The following LRRC61 variants were observed in gnomAD, a reference collection of about 807,000 sequenced individuals.
The protein encoded by LRRC61 is leucine-rich repeat-containing protein 61.
A neutral mutation model predicts 15.1 loss-of-function variants in LRRC61; 9 were observed. The ratio of observed to expected loss-of-function variants is 0.60; its 90% CI spans 0.36 to 1.04. The LOEUF (loss-of-function observed/expected upper bound fraction) is 1.04. LRRC61 is among the 50% of genes least tolerant of loss of function. The pLI is 0.01. For missense variants in LRRC61, 344 were observed against 335.6 expected, an observed-to-expected ratio of 1.03 and a Z score of -0.20; for synonymous variants, 173 against 158.6, an observed-to-expected ratio of 1.09 and a Z score of -0.68.
the LRRC61 span, among the ~76,000 whole-genome samples, chr7:150,317,499 T>G: frequency 6.6e-6 from 1 of 152,362 alleles, no homozygotes; most frequent in African/African-American, 2.4e-5. Flanking sequence ...TTCTCACTTA[T>G]GCAATCAAGT....
rs1254396912 is a variant in LRRC61, at chr7:150,327,614, T to G, written c.-145+1604T>G. Among the ~76,000 whole-genome samples the G allele has an allele frequency of 2.0e-5, 3 of 151,780 alleles. No homozygotes were observed. In the East Asian group the frequency reaches 5.8e-4, roughly 29 times the overall value. On this transcript the variant is annotated intron_variant, in intron 2 of 2. Coordinates refer to ENST00000359623, the MANE Select transcript of LRRC61 (RefSeq NM_001142928.2). ...AAGGAAGATTGCTTGAGCCCAGGAGTTGGAGTCCAGCCTGGGCAACATAGT... is the reference window on the plus strand; with the variant it reads ...AAGGAAGATTGCTTGAGCCCAGGAGGTGGAGTCCAGCCTGGGCAACATAGT...
chr7:150,337,050 C>T lies in LRRC61; in HGVS notation c.189C>T (p.Asn63=), dbSNP rs773485007. 6.2e-6 allele frequency: 10 copies of T among 1,613,188 alleles called. No individual in the cohort carries two copies. The highest frequency in any genetic ancestry group is 1.3e-5 in the African/African-American group (1 of 74,958). ...LGLEWLDLSG[N]ALTHLGPLAS... ...TGGAGTGGCTGGACCTATCAGGCAACGCGCTCACCCACCTGGGCCCGCTGG... is the reference window on the plus strand; with the variant it reads ...TGGAGTGGCTGGACCTATCAGGCAATGCGCTCACCCACCTGGGCCCGCTGG... The change falls in exon 3 of 3, where the codon AAC becomes AAT. Residue 63 remains asparagine, a synonymous_variant. Transcript: ENST00000359623.
the LRRC61 span, among the ~76,000 whole-genome samples, chr7:150,313,082 G>A: frequency 3.7e-3 from 564 of 152,134 alleles, 2 homozygotes; most frequent in African/African-American, 0.012. Flanking sequence ...CATGCACCCC[G>A]TAACCCCCTC....
chr7:150,331,199 T>C, intron 2 of LRRC61: 5 of 1,371,090 alleles, frequency 3.6e-6, no homozygotes, highest in Non-Finnish European at 4.9e-6. Context: ...CATCTCCTCT[T>C]CTTGAAGGCC....
chr7:150,330,650 G>T lies in LRRC61; in HGVS notation c.-145+4640G>T. ...CCACCTTGCTGGACCCTTGCTTCAA[G>T]GGGAAGATTGAGGCCATCCTGCCAT... On this transcript the variant is annotated intron_variant, in intron 2 of 2. Transcript: ENST00000359623. The surrounding 1 kb of genome is among the most constrained non-coding windows in gnomAD (Gnocchi z 4.6). The T allele has an allele frequency of 9.7e-7, 1 of 1,029,062 alleles. No homozygotes were observed. The highest frequency in any genetic ancestry group is 1.5e-6 in the Non-Finnish European group (1 of 645,372). 63.7% of individuals were successfully genotyped at this position (1,029,062 alleles called of 1,614,324 possible). A position where few individuals can be genotyped will look rare whatever the true frequency, so the allele number is the denominator to read the frequency against.
chr7:150,337,812 T>C lies in LRRC61; in HGVS notation c.*171T>C. On this transcript the variant is annotated 3_prime_UTR_variant, in exon 3 of 3. Transcript: ENST00000359623. Reference sequence around the variant, plus strand: ...CCCTCCCCACCATCCCTCCACATGCTGCAAGGACAGACTGAAGGGCTGTGA... The same window carrying C: ...CCCTCCCCACCATCCCTCCACATGCCGCAAGGACAGACTGAAGGGCTGTGA... 1 of 716,460 alleles carries C rather than the reference T, an allele frequency of 1.4e-6. No homozygotes were observed. The highest frequency in any genetic ancestry group is 2.3e-6 in the Non-Finnish European group (1 of 442,934). 44.4% of individuals were successfully genotyped at this position (716,460 alleles called of 1,614,324 possible).
intron 1 of LRRC61, among the ~76,000 whole-genome samples, chr7:150,325,454 G>A (rs376251200): frequency 6.6e-6 from 1 of 152,214 alleles, no homozygotes; most frequent in Non-Finnish European, 1.5e-5. Flanking sequence ...GTCAGCTGTG[G>A]TGATGTGTGT....
At chr7:150,311,810 T>C in the LRRC61 span, among the ~76,000 whole-genome samples, 3 of 152,248 alleles carry the variant, frequency 2.0e-5, no homozygotes, top group Non-Finnish European at 4.4e-5. Context: ...CTCTCTCCAC[T>C]ACTTCCCAAC....
chr7:150,329,080 C>G (rs10247016), intron 2 of LRRC61, among the ~76,000 whole-genome samples: 62,433 of 152,064 alleles, frequency 0.41, 14,063 homozygotes, highest in African/African-American at 0.6. Context: ...TTTTCAAGGT[C>G]GGGGGGTTTC....
At chr7:150,315,972 T>C in the LRRC61 span, among the ~76,000 whole-genome samples, 5 of 152,084 alleles carry the variant, frequency 3.3e-5, no homozygotes, top group South Asian at 8.3e-4. Flanking sequence ...CCGAGGCGGG[T>C]GGATCACCTG....
chr7:150,325,109 G>C (rs1797912352), intron 1 of LRRC61, among the ~76,000 whole-genome samples: 1 of 152,170 alleles, frequency 6.6e-6, no homozygotes, highest in Non-Finnish European at 1.5e-5. Flanking sequence ...AGCCCACATG[G>C]ACCTGTATGA....
intron 1 of LRRC61, 60 bp downstream of exon 1, chr7:150,323,620 G>A (rs1476678603): frequency 8.8e-6 from 4 of 453,986 alleles, no homozygotes; most frequent in Non-Finnish European, 1.8e-5. Flanking sequence ...GGCCCGTGCC[G>A]GCCCCGGGGG....
rs58391879 is a variant in LRRC61, at chr7:150,335,030, CAAAAAAAAA to C, written c.-144-1678_-144-1670del. Among the ~76,000 whole-genome samples the C allele has an allele frequency of 1.2e-3, 124 of 102,328 alleles. No homozygotes were observed. Among genetic ancestry groups the C allele is most frequent in the African/African-American group, 3.9e-3 (111 of 28,472 alleles). 67.1% of individuals were successfully genotyped at this position (102,328 alleles called of 152,430 possible). ...GGGCAACAAGAGTGAAACTCTGTCTCAAAAAAAAAAAAAAAAAAGAAAAAAAGGAGCCCC... is the reference window on the plus strand; with the variant it reads ...GGGCAACAAGAGTGAAACTCTGTCTCAAAAAAAAAGAAAAAAAGGAGCCCC... On this transcript the variant is annotated intron_variant, in intron 2 of 2. Transcript: ENST00000359623. The surrounding 1 kb of genome is among the most constrained non-coding windows in gnomAD (Gnocchi z 4.3).
At chr7:150,331,590 T>G (rs2129618297) in intron 2 of LRRC61, 1 of 170,872 alleles carries the variant, frequency 5.9e-6, no homozygotes, top group African/African-American at 2.4e-5. Context: ...TGACTGTGAA[T>G]TTTGTACTAC....
intron 1 of LRRC61, among the ~76,000 whole-genome samples, chr7:150,325,356 T>C (rs1254037211): frequency 1.3e-5 from 2 of 152,226 alleles, no homozygotes; most frequent in African/African-American, 2.4e-5. Context: ...TGATCGACTA[T>C]GGGCAGGCGT....
chr7:150,313,846 A>G, the LRRC61 span, among the ~76,000 whole-genome samples: 2 of 152,254 alleles, frequency 1.3e-5, no homozygotes, highest in East Asian at 1.9e-4. Context: ...CTACCTGGAG[A>G]CCTGCCTGGA....
the LRRC61 span, among the ~76,000 whole-genome samples, chr7:150,310,256 C>T: frequency 6.6e-6 from 1 of 152,062 alleles, no homozygotes; most frequent in African/African-American, 2.4e-5. Context: ...TATGGGATAC[C>T]TCTACTTGTT....
chr7:150,327,775 G>A (rs1363156514), intron 2 of LRRC61, among the ~76,000 whole-genome samples: 2 of 146,642 alleles, frequency 1.4e-5, no homozygotes, highest in Non-Finnish European at 3.0e-5. Flanking sequence ...AGCCAAGATT[G>A]TACCACTCCA....
Position 150,337,460 on chromosome 7 carries a change from T to G in LRRC61, c.599T>G (p.Val200Gly). ...GPRATEAQPWVEPGYWESWPS... is the reference protein window; with the variant it reads ...GPRATEAQPWGEPGYWESWPS... ...AGAGCCACCGAGGCCCAGCCCTGGG[T>G]GGAGCCAGGCTACTGGGAGTCCTGG... The change falls in exon 3 of 3, where the codon GTG becomes GGG. Residue 200 changes from valine (V) to glycine (G), a missense_variant. Coordinates refer to ENST00000359623, the MANE Select transcript of LRRC61 (RefSeq NM_001142928.2). The G allele has an allele frequency of 6.2e-7, 1 of 1,603,768 alleles. No homozygotes were observed. Among genetic ancestry groups the G allele is most frequent in the Non-Finnish European group, 8.5e-7 (1 of 1,179,738 alleles).
Sources: allele counts gnomAD v4.1 joint callset (sites outside exome capture counted in the v4.1 genomes callset), GRCh38; gene constraint gnomAD v4.1.1; non-coding constraint Gnocchi (gnomAD v3.1); transcripts MANE v1.5; gene names NCBI Gene and HGNC (gene_info 2026-07-23, HGNC 2026-07-21).